EXT1: variants seen among roughly 807,000 people sequenced by gnomAD.
The protein encoded by EXT1 is exostosin-1.
Under a neutral mutation model 82.5 loss-of-function variants are expected in EXT1, and 20 were observed. The observed-to-expected ratio is 0.24, with a 90% CI of 0.17 to 0.35. EXT1 has a LOEUF of 0.35. EXT1 is among the 10% of genes least tolerant of loss of function. EXT1 has a pLI of 1.00. For missense variants in EXT1, 757 were observed against 936.5 expected (o/e 0.81, Z 2.50); for synonymous variants, 348 against 350.8 (o/e 0.99, Z 0.09).
chr8:117,958,245 T>C (rs11562775), intron 1 of EXT1, among the ~76,000 whole-genome samples: 9,319 of 152,238 alleles, frequency 0.061, 641 homozygotes, highest in African/African-American at 0.17. Flanking sequence ...ACAACATTCA[T>C]CTCATAGGAA....
chr8:118,101,230 G>A lies in EXT1; in HGVS notation c.962+8855C>T, dbSNP rs577149863. Reference sequence around the variant, plus strand: ...CAGATGTGGAAACTGAGGCTGAGAAGTTAAAAACCTAGTCCAGGAACTTTG... The same window carrying A: ...CAGATGTGGAAACTGAGGCTGAGAAATTAAAAACCTAGTCCAGGAACTTTG... On this transcript the variant is annotated intron_variant, in intron 1 of 10. Transcript: ENST00000378204. 1.4e-4 allele frequency among the ~76,000 whole-genome samples: 22 copies of A among 152,300 alleles called. 1 individual carries two copies. The South Asian group carries it at 2.9e-3, about 20-fold the overall frequency.
chr8:117,944,934 G>A (rs563429908), intron 1 of EXT1, among the ~76,000 whole-genome samples: 6 of 151,992 alleles, frequency 3.9e-5, no homozygotes, highest in Admixed American at 2.6e-4. Context: ...AGGCGGAGGC[G>A]GGCGGATCAC....
At chr8:118,050,194 G>A (rs1158699681) in intron 1 of EXT1, among the ~76,000 whole-genome samples, 1 of 152,202 alleles carries the variant, frequency 6.6e-6, no homozygotes, top group Non-Finnish European at 1.5e-5. Flanking sequence ...TTTCACTCCA[G>A]TTCTGTGTGA....
At chr8:118,057,699 C>T (rs1026740654) in intron 1 of EXT1, among the ~76,000 whole-genome samples, 1 of 151,260 alleles carries the variant, frequency 6.6e-6, no homozygotes, top group African/African-American at 2.4e-5. Context: ...TGAGGCTGGG[C>T]GTGGTGGCTC....
chr8:117,923,453 C>T (rs184983433), intron 1 of EXT1, among the ~76,000 whole-genome samples: 1 of 151,236 alleles, frequency 6.6e-6, no homozygotes, highest in Admixed American at 6.6e-5. Context: ...CACGGTGGCT[C>T]ACACCTGTAA....
At chr8:118,094,476 G>A (rs556535243) in intron 1 of EXT1, among the ~76,000 whole-genome samples, 15 of 152,060 alleles carry the variant, frequency 9.9e-5, no homozygotes, top group Non-Finnish European at 1.5e-4. Context: ...ACATACAAAC[G>A]GTAAGCCTGA....
intron 1 of EXT1, among the ~76,000 whole-genome samples, chr8:117,892,753 T>C (rs1471762510): frequency 6.6e-6 from 1 of 152,024 alleles, no homozygotes; most frequent in Non-Finnish European, 1.5e-5. Flanking sequence ...GAAGCAGCAG[T>C]GGAGGTGGTA....
At chr8:117,974,236 T>C (rs904227484) in intron 1 of EXT1, among the ~76,000 whole-genome samples, 2 of 152,196 alleles carry the variant, frequency 1.3e-5, no homozygotes, top group Non-Finnish European at 2.9e-5. Context: ...GTCATAGTAG[T>C]GGATGAACTA....
intron 2 of EXT1, 147 bp downstream of exon 2, chr8:117,836,961 G>T: frequency 1.5e-6 from 1 of 664,426 alleles, no homozygotes. Context: ...TGTCAAAAAT[G>T]TTTTAGATTT....
Position 117,799,457 on chromosome 8 carries a change from G to A in EXT1, c.*255C>T. 2.2e-6 allele frequency: 1 copy of A among 460,094 alleles called. No individual in the cohort carries two copies. Among genetic ancestry groups the A allele is most frequent in the Non-Finnish European group, 3.9e-6 (1 of 257,466 alleles). 28.5% of individuals were successfully genotyped at this position (460,094 alleles called of 1,614,324 possible). ...ATCATTTCAAAAATAATTATTTAAT[G>A]TTCCATAATTAAACTGTACACAACC... On this transcript the variant is annotated 3_prime_UTR_variant, in exon 11 of 11. Transcript: ENST00000378204.
intron 3 of EXT1, among the ~76,000 whole-genome samples, chr8:117,831,096 A>C (rs989230694): frequency 6.6e-6 from 1 of 152,238 alleles, no homozygotes; most frequent in Non-Finnish European, 1.5e-5. Context: ...GAATATAACC[A>C]TCTGAAGCCA....
chr8:117,833,649 T>C (rs762970236), intron 3 of EXT1, among the ~76,000 whole-genome samples: 4 of 151,778 alleles, frequency 2.6e-5, no homozygotes, highest in Admixed American at 6.6e-5. Context: ...ACAACCACAA[T>C]TAAGTATCCT....
intron 1 of EXT1, among the ~76,000 whole-genome samples, chr8:117,930,828 A>T (rs1814046141): frequency 6.6e-6 from 1 of 152,140 alleles, no homozygotes; most frequent in Admixed American, 6.5e-5. Context: ...GACCTTGCTG[A>T]TAAAACAGCA....
intron 1 of EXT1, among the ~76,000 whole-genome samples, chr8:118,072,718 T>A (rs1455873758): frequency 9.2e-5 from 14 of 152,256 alleles, no homozygotes; most frequent in Admixed American, 9.2e-4. Flanking sequence ...AGCTTGGCCG[T>A]GTCTTTTTTC....
Position 118,054,621 on chromosome 8 carries a change from AAAGAGAAGCT to A in EXT1, c.962+55454_962+55463del, listed in dbSNP as rs1320867153. ...GCCATCTCCATTTTTCCCTAGGACT[AAAGAGAAGCT>A]AAGAGAAGGTAAAGGAGTTCAAAAG... On this transcript the variant is annotated intron_variant, in intron 1 of 10. Transcript: ENST00000378204. Among the ~76,000 whole-genome samples the A allele has an allele frequency of 3.8e-4, 58 of 152,320 alleles. 1 individual carries two copies. Among genetic ancestry groups the A allele is most frequent in the South Asian group, 2.3e-3 (11 of 4,820 alleles).
chr8:117,979,902 G>A (rs1167759354), intron 1 of EXT1, among the ~76,000 whole-genome samples: 2 of 152,172 alleles, frequency 1.3e-5, no homozygotes, highest in Admixed American at 1.3e-4. Flanking sequence ...TCATATGTCT[G>A]CTCCCCCAAT....
At chr8:117,860,146 C>CAAAAAAAAAAAAAAAAAA (rs34399339) in intron 1 of EXT1, among the ~76,000 whole-genome samples, 1 of 76,896 alleles carries the variant, frequency 1.3e-5, no homozygotes, top group Non-Finnish European at 2.3e-5. Context: ...GATTCTATCT[C>CAAAAAAAAAAAAAAAAAA]AAAAAAAAAA....
intron 1 of EXT1, among the ~76,000 whole-genome samples, chr8:118,080,576 G>T (rs938646331): frequency 1.3e-5 from 2 of 152,000 alleles, no homozygotes; most frequent in African/African-American, 4.8e-5. Context: ...AGTTTAAATG[G>T]TATTCTGCAG....
chr8:117,815,614 T>C (rs1811796395), intron 7 of EXT1, among the ~76,000 whole-genome samples: 1 of 152,164 alleles, frequency 6.6e-6, no homozygotes, highest in African/African-American at 2.4e-5. Context: ...AGCTACCATG[T>C]GAAAGCCCAA....
Sources: allele counts gnomAD v4.1 joint callset (sites outside exome capture counted in the v4.1 genomes callset), GRCh38; gene constraint gnomAD v4.1.1; transcripts MANE v1.5; gene names NCBI Gene and HGNC (gene_info 2026-07-23, HGNC 2026-07-21).